ARHGAP40: variants seen among roughly 807,000 people sequenced by gnomAD.
ARHGAP40 encodes rho GTPase-activating protein 40.
In ARHGAP40, 43 loss-of-function variants were observed where a neutral mutation model predicts 73.5. The observed-to-expected ratio is 0.58, with a 90% CI of 0.46 to 0.75. ARHGAP40 has a LOEUF of 0.75. ARHGAP40 is among the 30% of genes least tolerant of loss of function. The pLI is 0.00. For synonymous variants in ARHGAP40, 300 were observed against 352.8 expected (o/e 0.85, Z 1.68); for missense variants, 734 against 861.8 (o/e 0.85, Z 1.86).
intron 1 of ARHGAP40, among the ~76,000 whole-genome samples, chr20:38,618,924 G>A (rs1035722695): frequency 3.9e-5 from 6 of 152,194 alleles, no homozygotes; most frequent in African/African-American, 1.2e-4. Context: ...TGGGAGGACT[G>A]TAAAAGAATT....
In ARHGAP40 at chr20:38,634,577, T is replaced by C. The variant is rs771539867; in HGVS notation, c.784-43T>C. On this transcript the variant is annotated intron_variant, in intron 5 of 14. Transcript: ENST00000373345. ...GGGAGCCCCAAAATACACATCAGAC[T>C]CATAGCCTGACAAATTGTCTTTACT... is the stretch of plus-strand genomic sequence containing the variant. 5.4e-6 allele frequency: 7 copies of C among 1,302,654 alleles called. No individual in the cohort carries two copies. The East Asian group carries it at 2.8e-4, about 52-fold the overall frequency. 80.7% of individuals were successfully genotyped at this position (1,302,654 alleles called of 1,614,324 possible).
chr20:38,604,397 GTTT>G (rs5841299), intron 1 of ARHGAP40, among the ~76,000 whole-genome samples: 1 of 138,626 alleles, frequency 7.2e-6, no homozygotes. Flanking sequence ...GAACAGTGGT[GTTT>G]TTTTTTTTTT....
chr20:38,628,932 G>T, exon 4 of ARHGAP40: 1 of 1,304,498 alleles, frequency 7.7e-7, no homozygotes. Flanking sequence ...CATAGAAAAT[G>T]TCGTCAGAGA....
intron 1 of ARHGAP40, among the ~76,000 whole-genome samples, chr20:38,603,765 T>G (rs938203516): frequency 2.0e-5 from 3 of 152,214 alleles, no homozygotes; most frequent in African/African-American, 7.2e-5. Flanking sequence ...GCAATCTGTT[T>G]CCTTGCCTTT....
chr20:38,623,434 T>G (rs2088883983), exon 2 of ARHGAP40: 1 of 1,290,878 alleles, frequency 7.7e-7, no homozygotes, highest in African/African-American at 1.5e-5. Flanking sequence ...CTGGCTCTGC[T>G]GGCTGTTCCA....
At chr20:38,634,539 C>T (rs1328369974) in intron 5 of ARHGAP40, 81 bp from the exon 6 acceptor site, 3 of 1,219,218 alleles carry the variant, frequency 2.5e-6, no homozygotes, top group African/African-American at 1.6e-5. Flanking sequence ...GCCTAAATGC[C>T]CTGGGGAGAA....
At chr20:38,614,523 A>G (rs2088823314) in intron 1 of ARHGAP40, among the ~76,000 whole-genome samples, 1 of 152,198 alleles carries the variant, frequency 6.6e-6, no homozygotes, top group African/African-American at 2.4e-5. Context: ...AGGGGGAAAA[A>G]AAACCATTGG....
In ARHGAP40 at chr20:38,634,742, C is replaced by G. The variant is rs2088962823; in HGVS notation, c.906C>G (p.Gly302=). Residue 302 remains glycine, a synonymous_variant, in exon 6 of 15, where the codon GGC becomes GGG. Coordinates refer to ENST00000373345, the Ensembl canonical transcript of ARHGAP40. ...TGACCGCGCTCTGTGACATCCTCGG[C>G]TTGGACCTGAAGAGGAGCAAGGCGG... The G allele has an allele frequency of 2.3e-6, 3 of 1,303,788 alleles. No homozygotes were observed. The African/African-American group carries it at 4.5e-5, about 20-fold the overall frequency. 80.8% of individuals were successfully genotyped at this position (1,303,788 alleles called of 1,614,324 possible).
chr20:38,605,889 C>CT (rs201627834), intron 1 of ARHGAP40, among the ~76,000 whole-genome samples: 2,380 of 151,646 alleles, frequency 0.016, 68 homozygotes, highest in African/African-American at 0.054. Flanking sequence ...CAACATTATT[C>CT]TTTTTTTTTC....
At chr20:38,637,671 G>C (rs1424516118) in intron 6 of ARHGAP40, 37 bp from the exon 7 acceptor site, 3 of 1,292,702 alleles carry the variant, frequency 2.3e-6, no homozygotes, top group Middle Eastern at 2.1e-4. Context: ...ATCATTCCAA[G>C]AAGTGAAATG....
At chr20:38,645,171 GA>G (rs2089043968) in intron 11 of ARHGAP40, among the ~76,000 whole-genome samples, 2 of 150,232 alleles carry the variant, frequency 1.3e-5, no homozygotes, top group East Asian at 3.9e-4. Context: ...TCTAAGGGCA[GA>G]AGCCTGGTGT....
intron 2 of ARHGAP40, among the ~76,000 whole-genome samples, chr20:38,624,548 C>T (rs6070799): frequency 0.27 from 40,573 of 152,028 alleles, 6,397 homozygotes; most frequent in Non-Finnish European, 0.36. Context: ...CTCCTCTCTG[C>T]CTCTTCTCCT....
intron 5 of ARHGAP40, among the ~76,000 whole-genome samples, chr20:38,630,963 C>T (rs1364985540): frequency 2.0e-5 from 3 of 152,160 alleles, no homozygotes; most frequent in Non-Finnish European, 2.9e-5. Context: ...TGGCCCAGGG[C>T]ATTGTTCCCA....
At chr20:38,650,573 T>C in exon 15 of ARHGAP40, 2 of 467,956 alleles carry the variant, frequency 4.3e-6, no homozygotes, top group Non-Finnish European at 8.9e-6. Context: ...TGTTGATTTG[T>C]ACAATCTTGT....
At chr20:38,644,756 A>AC (rs767719669) in intron 11 of ARHGAP40, among the ~76,000 whole-genome samples, 9 of 144,906 alleles carry the variant, frequency 6.2e-5, no homozygotes, top group Non-Finnish European at 1.1e-4. Context: ...GCATCTCTCC[A>AC]CTCATCTACC....
intron 5 of ARHGAP40, among the ~76,000 whole-genome samples, chr20:38,634,306 C>T (rs2088959605): frequency 6.6e-6 from 1 of 152,184 alleles, no homozygotes; most frequent in African/African-American, 2.4e-5. Flanking sequence ...CAGCAGTGTT[C>T]ATGCCACTGT....
chr20:38,631,993 TC>T, intron 5 of ARHGAP40, among the ~76,000 whole-genome samples: 1 of 152,208 alleles, frequency 6.6e-6, no homozygotes, highest in Admixed American at 6.5e-5. Flanking sequence ...TGAAACAGTC[TC>T]ACTCTGTTGC....
intron 14 of ARHGAP40, among the ~76,000 whole-genome samples, chr20:38,648,957 T>G (rs1315439050): frequency 6.6e-6 from 1 of 152,218 alleles, no homozygotes; most frequent in Non-Finnish European, 1.5e-5. Flanking sequence ...GCAGAAGATT[T>G]GTTTAGTGTG....
chr20:38,641,324 CT>C (rs1399014188), intron 9 of ARHGAP40, among the ~76,000 whole-genome samples: 1 of 152,154 alleles, frequency 6.6e-6, no homozygotes, highest in Admixed American at 6.5e-5. Flanking sequence ...ACAGCTTTTC[CT>C]TTTCAACCCT....
Sources: allele counts gnomAD v4.1 joint callset (sites outside exome capture counted in the v4.1 genomes callset), GRCh38; gene constraint gnomAD v4.1.1; transcripts MANE v1.5; gene names NCBI Gene and HGNC (gene_info 2026-07-23, HGNC 2026-07-21).